Variants in HOOK1 observed in about 807,000 individuals in gnomAD.
HOOK1 encodes protein Hook homolog 1.
In HOOK1, 60 loss-of-function variants were observed where a neutral mutation model predicts 112.8. That is an observed-to-expected ratio of 0.53 (90% confidence interval 0.43 to 0.66). HOOK1 has a LOEUF of 0.66. HOOK1 is among the 30% of genes least tolerant of loss of function. The probability of loss-of-function intolerance (pLI) is 0.00; values close to 1 mark genes in which losing one functional copy is unlikely to be tolerated. For synonymous variants in HOOK1, 294 were observed against 283.8 expected, an observed-to-expected ratio of 1.04 and a Z score of -0.36; for missense variants, 770 against 856.0, an observed-to-expected ratio of 0.90 and a Z score of 1.25.
At chr1:59,852,663 A>G (rs1450524804) in intron 12 of HOOK1, among the ~76,000 whole-genome samples, 2 of 151,110 alleles carry the variant, frequency 1.3e-5, no homozygotes, top group South Asian at 2.1e-4. Context: ...AATCTTTAAT[A>G]ATTCATTGGT....
At chr1:59,872,741 C>G (rs950301425) in intron 21 of HOOK1, 54 bp from the exon 22 acceptor site, 9 of 1,239,112 alleles carry the variant, frequency 7.3e-6, no homozygotes, top group Non-Finnish European at 9.4e-6. Flanking sequence ...GAGAAGCACT[C>G]GGCAAACTCT....
At position 59,824,897 on chromosome 1, in the gene HOOK1, C is replaced by T. The variant is rs572536052; in HGVS notation, c.149+2954C>T. Among the ~76,000 whole-genome samples the T allele has an allele frequency of 1.7e-4, 26 of 152,288 alleles. 1 individual carries two copies. The highest frequency in any genetic ancestry group is 1.6e-3 in the Admixed American group (25 of 15,300). On this transcript the variant is annotated intron_variant, in intron 2 of 21. Coordinates refer to ENST00000371208, the MANE Select transcript of HOOK1 (RefSeq NM_015888.6). Reference sequence around the variant, plus strand: ...TTCCTAGGGCCACTGTACCAAAGTGCCACAGACCAGGTGGCTTAAAACAGC... The same window carrying T: ...TTCCTAGGGCCACTGTACCAAAGTGTCACAGACCAGGTGGCTTAAAACAGC...
chr1:59,872,090 G>A lies in HOOK1; in HGVS notation c.2017-705G>A, dbSNP rs111378575. Among the ~76,000 whole-genome samples, 662 of 152,100 alleles carry A rather than the reference G, an allele frequency of 4.4e-3. 2 individuals carry two copies. The highest frequency in any genetic ancestry group is 0.015 in the African/African-American group (630 of 41,504). On this transcript the variant is annotated intron_variant, in intron 21 of 21. Coordinates refer to ENST00000371208, the MANE Select transcript of HOOK1 (RefSeq NM_015888.6). ...GTCCATGATTGATTCATTTTTTTCA[G>A]CCTATATTTGTTGAGCATCTAATAT...
chr1:59,860,084 TA>T (rs2098412752), intron 14 of HOOK1, 103 bp from the exon 15 acceptor site: 1 of 767,116 alleles, frequency 1.3e-6, no homozygotes, highest in Non-Finnish European at 2.0e-6. Flanking sequence ...GCTTGCATCT[TA>T]AAATGGTAGC....
chr1:59,842,239 C>T (rs111298962), intron 8 of HOOK1, among the ~76,000 whole-genome samples: 147 of 152,222 alleles, frequency 9.7e-4, no homozygotes, highest in African/African-American at 3.4e-3. Context: ...TACCCTTACC[C>T]TATAGTGTAC....
At chr1:59,823,650 A>G (rs1383845408) in intron 2 of HOOK1, among the ~76,000 whole-genome samples, 2 of 152,166 alleles carry the variant, frequency 1.3e-5, no homozygotes, top group Non-Finnish European at 2.9e-5. Flanking sequence ...ATCAAAAGAA[A>G]CCTGTTTTTA....
At position 59,873,725 on chromosome 1, in the gene HOOK1, CTATATATATATATATATATA is replaced by C. The variant is rs58867974; in HGVS notation, c.*781_*800del. On this transcript the variant is annotated 3_prime_UTR_variant, in exon 22 of 22. Transcript: ENST00000371208. ...AGGTGACTTTCTGATGGAAAGCAAGCTATATATATATATATATATATATATATATATATATATATACTTTT... is the reference window on the plus strand; with the variant it reads ...AGGTGACTTTCTGATGGAAAGCAAGCTATATATATATATATATATACTTTT... 8.4e-4 allele frequency: 47 copies of C among 56,224 alleles called. 2 individuals are homozygous for C. The highest frequency in any genetic ancestry group is 2.7e-3 in the South Asian group (3 of 1,106). The allele number at this position is 56,224 out of a possible 1,614,324, so 3.5% of individuals were successfully genotyped here.
intron 8 of HOOK1, among the ~76,000 whole-genome samples, chr1:59,842,495 A>C (rs896566257): frequency 6.6e-6 from 1 of 152,104 alleles, no homozygotes; most frequent in African/African-American, 2.4e-5. Context: ...TGTAGTTCTC[A>C]TTTAGAAGAC....
intron 2 of HOOK1, among the ~76,000 whole-genome samples, chr1:59,822,955 G>A (rs1166044106): frequency 6.6e-6 from 1 of 152,206 alleles, no homozygotes; most frequent in Non-Finnish European, 1.5e-5. Context: ...TAACTAACAT[G>A]TTAACTTTTG....
intron 12 of HOOK1, among the ~76,000 whole-genome samples, chr1:59,854,001 AATATATATAT>A (rs71046347): frequency 0.013 from 332 of 25,682 alleles, 5 homozygotes; most frequent in South Asian, 0.025. Flanking sequence ...ATTAATCTTA[AATATATATAT>A]ATATATATAT....
chr1:59,871,130 ATGAT>A lies in HOOK1; in HGVS notation c.2016+23_2016+26del. On this transcript the variant is annotated intron_variant, in intron 21 of 21. Coordinates refer to ENST00000371208, the MANE Select transcript of HOOK1 (RefSeq NM_015888.6). ...AATAAGGTGAGCTGAAGTTCAGCAA[ATGAT>A]TGGATGAGAACGGTGTTTAAGCAAA... The A allele has an allele frequency of 6.4e-7, 1 of 1,564,432 alleles. No homozygotes were observed. Among genetic ancestry groups the A allele is most frequent in the Admixed American group, 1.7e-5 (1 of 59,648 alleles).
At chr1:59,822,737 T>C (rs2098386542) in intron 2 of HOOK1, among the ~76,000 whole-genome samples, 1 of 152,228 alleles carries the variant, frequency 6.6e-6, no homozygotes, top group African/African-American at 2.4e-5. Flanking sequence ...TGTTTTATAG[T>C]CAGATTATTT....
intron 10 of HOOK1, among the ~76,000 whole-genome samples, chr1:59,847,749 T>A (rs2098404809): frequency 6.6e-6 from 1 of 151,730 alleles, no homozygotes; most frequent in South Asian, 2.1e-4. Context: ...AATACTCATT[T>A]GAAACAAAAT....
intron 14 of HOOK1, 31 bp downstream of exon 14, chr1:59,859,076 T>A (rs1475607146): frequency 9.5e-7 from 1 of 1,051,326 alleles, no homozygotes; most frequent in Non-Finnish European, 1.3e-6. Context: ...GATAGAATTA[T>A]ATTTAATATT....
At position 59,815,128 on chromosome 1, in the gene HOOK1, C is replaced by G; in HGVS notation, c.11C>G (p.Thr4Arg). 6.5e-7 allele frequency: 1 copy of G among 1,541,714 alleles called. No individual in the cohort carries two copies. Among genetic ancestry groups the G allele is most frequent in the African/African-American group, 1.4e-5 (1 of 73,116 alleles). Residue 4 changes from threonine (T) to arginine (R), a missense_variant, in exon 1 of 22, where the codon ACG becomes AGG. Thr to Arg is a moderately conservative substitution (Grantham distance 71). Transcript: ENST00000371208. Reference sequence around the variant, plus strand: ...ACGGCGGCGCCGGCCATGGAGGAGACGCAGCCGCCGCCGCAGCCTAAGCTG... The same window carrying G: ...ACGGCGGCGCCGGCCATGGAGGAGAGGCAGCCGCCGCCGCAGCCTAAGCTG... The part of the protein sequence containing the change: MEE[T>R]QPPPQPKLPL...
At chr1:59,850,437 A>G (rs2098406557) in intron 12 of HOOK1, among the ~76,000 whole-genome samples, 1 of 151,404 alleles carries the variant, frequency 6.6e-6, no homozygotes, top group Non-Finnish European at 1.5e-5. Context: ...TTCTAAAAAA[A>G]CCACTGTGTA....
At chr1:59,869,547 CTA>C (rs1458654654) in intron 20 of HOOK1, among the ~76,000 whole-genome samples, 131 of 152,238 alleles carry the variant, frequency 8.6e-4, no homozygotes, top group Non-Finnish European at 1.0e-4. Flanking sequence ...GAAATGCACT[CTA>C]TTTATGTGCC....
intron 7 of HOOK1, among the ~76,000 whole-genome samples, chr1:59,838,022 A>G (rs2098398893): frequency 6.6e-6 from 1 of 152,024 alleles, no homozygotes; most frequent in East Asian, 1.9e-4. Flanking sequence ...AAGGACATGA[A>G]CTCATCCTTT....
intron 9 of HOOK1, among the ~76,000 whole-genome samples, chr1:59,845,740 T>C (rs2098403415): frequency 6.6e-6 from 1 of 151,924 alleles, no homozygotes. Flanking sequence ...TCATACTTTA[T>C]TATCCTGTAT....
Sources: gnomAD v4.1 joint callset for allele counts (sites outside exome capture counted in the v4.1 genomes callset) on GRCh38, gnomAD v4.1.1 for gene constraint, MANE v1.5 for transcripts, NCBI Gene and HGNC (gene_info 2026-07-23, HGNC 2026-07-21) for gene names.